The following FBXO40 variants were observed in gnomAD, a reference collection of about 807,000 sequenced individuals.
FBXO40 encodes the protein F-box only protein 40.
Under a neutral mutation model 49.9 loss-of-function variants are expected in FBXO40, and 50 were observed. That is an observed-to-expected ratio of 1.00 (90% confidence interval 0.80 to 1.27). The LOEUF (loss-of-function observed/expected upper bound fraction) is 1.27, where lower values mean the gene tolerates loss of function less well. Among genes scored for constraint, FBXO40 ranks in the 50% most tolerant of loss-of-function variants. The pLI is 0.00. For synonymous variants in FBXO40, 340 were observed against 320.2 expected, an observed-to-expected ratio of 1.06 and a Z score of -0.66; for missense variants, 895 against 870.1, an observed-to-expected ratio of 1.03 and a Z score of -0.36.
chr3:121,595,449 A>G (rs1444377497), intron 1 of FBXO40, among the ~76,000 whole-genome samples: 4 of 152,186 alleles, frequency 2.6e-5, no homozygotes, highest in African/African-American at 9.7e-5. Context: ...TGCAACTGTA[A>G]TTTAATAGAA....
intron 1 of FBXO40, among the ~76,000 whole-genome samples, chr3:121,616,921 G>C (rs144223295): frequency 6.6e-6 from 1 of 152,154 alleles, no homozygotes; most frequent in Admixed American, 6.6e-5. Context: ...AGAAAGACAC[G>C]TATTGCATGT....
rs2049034641 is a variant in FBXO40, at chr3:121,622,042, A to G, written c.613A>G (p.Lys205Glu). ...LSQEEREVLA[K>E]TKEGMDLVKF... ...TCAAGAAGAACGGGAGGTGCTAGCC[A>G]AAACCAAAGAAGGGATGGACCTGGT... is the stretch of plus-strand genomic sequence containing the variant. The change falls in exon 3 of 4, where the codon AAA (lysine) becomes GAA (glutamate). Residue 205 changes from lysine to glutamate, a missense_variant. Transcript: ENST00000338040. 1.9e-6 allele frequency: 3 copies of G among 1,614,240 alleles called. No homozygotes were observed. The highest frequency in any genetic ancestry group is 2.5e-6 in the Non-Finnish European group (3 of 1,180,036).
chr3:121,618,253 A>G (rs1450218567), intron 1 of FBXO40, among the ~76,000 whole-genome samples: 2 of 152,072 alleles, frequency 1.3e-5, no homozygotes, highest in Admixed American at 6.5e-5. Context: ...GGCATTTTAC[A>G]TGATATTAGA....
chr3:121,599,949 C>T (rs1334904174), intron 1 of FBXO40, among the ~76,000 whole-genome samples: 1 of 151,742 alleles, frequency 6.6e-6, no homozygotes, highest in Non-Finnish European at 1.5e-5. Flanking sequence ...TCTCAAACTC[C>T]TGACCTCAGG....
Position 121,622,837 on chromosome 3 carries a change from A to G in FBXO40, c.1408A>G (p.Lys470Glu). ...CGAGTGTGTGACCAGGAGACACAAC[A>G]AAAGCAGCTCTGCCTTCACTTTCAC... ...HSECVTRRHN[K>E]SSSAFTFTCN... Residue 470 changes from lysine to glutamate, a missense_variant, in exon 3 of 4, where the codon AAA becomes GAA. Transcript: ENST00000338040. The G allele has an allele frequency of 6.2e-7, 1 of 1,614,226 alleles. No homozygotes were observed. Among genetic ancestry groups the G allele is most frequent in the Admixed American group, 1.7e-5 (1 of 60,026 alleles).
At chr3:121,597,805 G>T (rs2048880391) in intron 1 of FBXO40, among the ~76,000 whole-genome samples, 1 of 151,992 alleles carries the variant, frequency 6.6e-6, no homozygotes, top group East Asian at 1.9e-4. Context: ...GGGATTACAG[G>T]TGCCTGACAC....
Position 121,622,191 on chromosome 3 carries a change from C to T in FBXO40, c.762C>T (p.Gly254=). 1.2e-6 allele frequency: 2 copies of T among 1,613,908 alleles called. No individual in the cohort carries two copies. The highest frequency in any genetic ancestry group is 1.7e-6 in the Non-Finnish European group (2 of 1,179,938). Residue 254 remains glycine, a synonymous_variant, in exon 3 of 4, where the codon GGC becomes GGT. Coordinates refer to ENST00000338040, the MANE Select transcript of FBXO40 (RefSeq NM_016298.4). ...NDSEKEQISS[G]HNMVEGEGAP... ...CCGAGAAAGAACAGATTTCCAGTGGCCATAACATGGTAGAAGGAGAGGGCG... is the reference window on the plus strand; with the variant it reads ...CCGAGAAAGAACAGATTTCCAGTGGTCATAACATGGTAGAAGGAGAGGGCG...
chr3:121,620,508 T>C, intron 1 of FBXO40, 38 bp from the exon 2 acceptor site: 1 of 1,597,646 alleles, frequency 6.3e-7, no homozygotes, highest in African/African-American at 1.3e-5. Flanking sequence ...ACCTAACTGT[T>C]TTTCTTACTA....
rs2048935603 is a variant in FBXO40 at position 121,607,102 on chromosome 3, T to C, written c.-30-13444T>C. On this transcript the variant is annotated intron_variant, in intron 1 of 3. Transcript: ENST00000338040. ...CAATATGGTGAAACCTTGTCTCTAC[T>C]AAAAATACAAAAATTAGCTGGGCAT... Among the ~76,000 whole-genome samples the C allele has an allele frequency of 2.0e-5, 3 of 151,936 alleles. No homozygotes were observed. In the South Asian group the frequency reaches 6.2e-4, roughly 32 times the overall value.
At chr3:121,620,729 G>C (rs1475577966) in intron 2 of FBXO40, 151 bp downstream of exon 2, 2 of 898,820 alleles carry the variant, frequency 2.2e-6, no homozygotes, top group Non-Finnish European at 3.5e-6. Flanking sequence ...AACAGAACTT[G>C]GAAGAAATTG....
At chr3:121,615,955 C>T (rs898285602) in intron 1 of FBXO40, among the ~76,000 whole-genome samples, 2 of 152,156 alleles carry the variant, frequency 1.3e-5, no homozygotes, top group Non-Finnish European at 2.9e-5. Context: ...GCCTGGTAAG[C>T]AGAGCTTCCT....
Position 121,623,085 on chromosome 3 carries a change from G to A in FBXO40, c.1656G>A (p.Glu552=), listed in dbSNP as rs2049043365. The A allele has an allele frequency of 3.1e-6, 5 of 1,614,226 alleles. No individual in the cohort carries two copies. The highest frequency in any genetic ancestry group is 3.4e-6 in the Non-Finnish European group (4 of 1,180,048). Residue 552 remains glutamate, a synonymous_variant, in exon 3 of 4, where the codon GAG becomes GAA. Coordinates refer to ENST00000338040, the MANE Select transcript of FBXO40 (RefSeq NM_016298.4). The part of the protein sequence containing the change: ...TFAIKPEVAP[E]LSEGRKNNHL... ...CCATTAAGCCGGAGGTTGCTCCAGA[G>A]CTGAGCGAGGGAAGGAAGAACAACC...
rs757324448 is a variant in FBXO40, at chr3:121,599,674, G to GCACACA, written c.-31+6199_-31+6204dup. ...AGTGCATACACACACACACACACATGCACACACACACACACACACACACAC... is the reference window on the plus strand; with the variant it reads ...AGTGCATACACACACACACACACATGCACACACACACACACACACACACACACACAC... On this transcript the variant is annotated intron_variant, in intron 1 of 3. Coordinates refer to ENST00000338040, the MANE Select transcript of FBXO40 (RefSeq NM_016298.4). 1.1e-3 allele frequency among the ~76,000 whole-genome samples: 114 copies of GCACACA among 99,582 alleles called. 1 individual carries two copies. The highest frequency in any genetic ancestry group is 0.011 in the Middle Eastern group (1 of 94). The allele number at this position is 99,582 out of a possible 152,430, so 65.3% of individuals were successfully genotyped here.
rs918176448 is a variant in FBXO40 at position 121,608,381 on chromosome 3, A to T, written c.-30-12165A>T. On this transcript the variant is annotated intron_variant, in intron 1 of 3. Transcript: ENST00000338040. ...AATTTTTACATCCTTTTCCAATTGC[A>T]GGGCCCTAGTAAGAGCAATTAGCTC... Among the ~76,000 whole-genome samples the T allele has an allele frequency of 1.1e-4, 17 of 152,204 alleles. 1 individual carries two copies.
Position 121,621,414 on chromosome 3 carries a change from C to G in FBXO40, c.4-19C>G. The G allele has an allele frequency of 6.3e-7, 1 of 1,591,142 alleles. No individual in the cohort carries two copies. The highest frequency in any genetic ancestry group is 8.6e-7 in the Non-Finnish European group (1 of 1,164,838). ...TCAGTATTCATTTGTTTTCTTCCCC[C>G]TGTCCTTGGTGTGTCCAGGGGAAAG... On this transcript the variant is annotated intron_variant, in intron 2 of 3. Transcript: ENST00000338040.
intron 1 of FBXO40, among the ~76,000 whole-genome samples, chr3:121,608,290 C>G (rs1004922780): frequency 6.6e-6 from 1 of 152,222 alleles, no homozygotes; most frequent in African/African-American, 2.4e-5. Flanking sequence ...GAAGTCCCCA[C>G]TCTTTCCAAA....
At position 121,597,658 on chromosome 3, in the gene FBXO40, C is replaced by CTTTTTTTTTTTTTTTTTTTTTTT. The variant is rs137900064; in HGVS notation, c.-31+4156_-31+4157insTTTTTTTTTTTTTTTTTTTTTTT. Among the ~76,000 whole-genome samples the CTTTTTTTTTTTTTTTTTTTTTTT allele has an allele frequency of 3.1e-5, 4 of 127,820 alleles. 1 individual carries two copies. Among genetic ancestry groups the CTTTTTTTTTTTTTTTTTTTTTTT allele is most frequent in the African/African-American group, 5.9e-5 (2 of 33,978 alleles). 83.9% of individuals were successfully genotyped at this position (127,820 alleles called of 152,430 possible). A position where few individuals can be genotyped will look rare whatever the true frequency, so the allele number is the denominator to read the frequency against. ...CAACCCTATTGGTTATTATAGGCCCCCTTTTTTTTTTTTTTTTTTTTGAGA... is the reference window on the plus strand; with the variant it reads ...CAACCCTATTGGTTATTATAGGCCCCTTTTTTTTTTTTTTTTTTTTTTTCTTTTTTTTTTTTTTTTTTTTGAGA... On this transcript the variant is annotated intron_variant, in intron 1 of 3. Transcript: ENST00000338040.
chr3:121,616,223 A>C (rs1042375067), intron 1 of FBXO40, among the ~76,000 whole-genome samples: 5 of 152,048 alleles, frequency 3.3e-5, no homozygotes, highest in Non-Finnish European at 7.4e-5. Flanking sequence ...AGTATAGAGC[A>C]CTCTGCCGTG....
intron 1 of FBXO40, 102 bp from the exon 2 acceptor site, chr3:121,620,444 A>T: frequency 9.5e-7 from 1 of 1,050,998 alleles, no homozygotes; most frequent in Non-Finnish European, 1.4e-6. Flanking sequence ...GGATGGTGGA[A>T]GGAATTAAAT....
Sources: gnomAD v4.1 joint callset for allele counts (sites outside exome capture counted in the v4.1 genomes callset) on GRCh38, gnomAD v4.1.1 for gene constraint, MANE v1.5 for transcripts, NCBI Gene and HGNC (gene_info 2026-07-23, HGNC 2026-07-21) for gene names.